TENM1: variants seen among roughly 807,000 people sequenced by gnomAD.
The protein encoded by TENM1 is teneurin transmembrane protein 1, also known as teneurin-1.
A neutral mutation model predicts 174.8 loss-of-function variants in TENM1; 35 were observed. The observed-to-expected ratio is 0.20, with a 90% confidence interval of 0.15 to 0.27. The LOEUF (loss-of-function observed/expected upper bound fraction) is 0.27. TENM1 is among the 10% of genes least tolerant of loss of function. TENM1 has a pLI of 1.00. For missense variants in TENM1, 1,633 were observed against 2,130.1 expected (o/e 0.77, Z 4.59); for synonymous variants, 781 against 798.7 (o/e 0.98, Z 0.37).
intron 4 of TENM1, among the ~76,000 whole-genome samples, chrX:124,730,476 T>C (rs1374171231): frequency 1.8e-5 from 2 of 110,826 alleles, no homozygotes; most frequent in Non-Finnish European, 3.8e-5. Context: ...AACCGAGACA[T>C]GGTGATGATA....
At chrX:124,749,318 C>T (rs747928038) in intron 3 of TENM1, among the ~76,000 whole-genome samples, 3 of 111,665 alleles carry the variant, frequency 2.7e-5, no homozygotes, top group Non-Finnish European at 5.7e-5. Flanking sequence ...TTCCTCTATA[C>T]TAAAATGATC....
intron 23 of TENM1, among the ~76,000 whole-genome samples, chrX:124,452,969 C>G (rs368630392): frequency 9.1e-6 from 1 of 109,881 alleles, no homozygotes; most frequent in African/African-American, 3.3e-5. Context: ...ATGTAACTAA[C>G]CTGCACATTG....
intron 3 of TENM1, among the ~76,000 whole-genome samples, chrX:124,884,471 G>A (rs1374242121): frequency 9.0e-6 from 1 of 110,661 alleles, no homozygotes; most frequent in African/African-American, 3.3e-5. Context: ...TTAGTCTCAG[G>A]GCCCACATGG....
intron 1 of TENM1, among the ~76,000 whole-genome samples, chrX:124,934,116 T>C (rs892740952): frequency 2.7e-5 from 3 of 112,299 alleles, no homozygotes; most frequent in Admixed American, 1.9e-4. Flanking sequence ...TGTTCTATAC[T>C]TGGTTAATTT....
At chrX:124,725,542 T>C (rs1272192926) in intron 4 of TENM1, among the ~76,000 whole-genome samples, 1 of 112,336 alleles carries the variant, frequency 8.9e-6, no homozygotes, top group East Asian at 2.8e-4. Flanking sequence ...ACAATTCTTT[T>C]TGAGCTTTCT....
the TENM1 span, among the ~76,000 whole-genome samples, chrX:125,139,823 A>AACACACAC: frequency 5.1e-5 from 4 of 78,530 alleles, no homozygotes; most frequent in African/African-American, 9.6e-5. Context: ...AGCTGCCCTC[A>AACACACAC]ACACACACAC....
chrX:125,138,648 A>G, the TENM1 span, among the ~76,000 whole-genome samples: 1,166 of 111,024 alleles, frequency 0.011, 14 homozygotes, highest in African/African-American at 0.035. Context: ...AGACAGAATA[A>G]TAGTTAACCT....
exon 17 of TENM1, chrX:124,523,505 G>A (rs1317432089): frequency 1.7e-6 from 2 of 1,211,353 alleles, no homozygotes; most frequent in East Asian, 5.9e-5. Flanking sequence ...TCTGCATGGT[G>A]ACTTTCTCTA....
At chrX:125,027,104 T>C in the TENM1 span, among the ~76,000 whole-genome samples, 2 of 111,856 alleles carry the variant, frequency 1.8e-5, no homozygotes, top group Non-Finnish European at 3.8e-5. Context: ...AGATATAAAA[T>C]GGAAAGCATT....
At chrX:124,422,704 A>G in intron 23 of TENM1, 66 bp from the exon 27 acceptor site, 1 of 1,055,164 alleles carries the variant, frequency 9.5e-7, no homozygotes, top group Non-Finnish European at 1.3e-6. Context: ...TTTAACTTGA[A>G]AAAAAGAAAA....
chrX:124,550,246 A>G (rs1043309245), intron 14 of TENM1, among the ~76,000 whole-genome samples: 3 of 111,600 alleles, frequency 2.7e-5, no homozygotes, highest in Non-Finnish European at 3.8e-5. Context: ...CCTTGGCTGA[A>G]AGGGGAAATG....
intron 3 of TENM1, among the ~76,000 whole-genome samples, chrX:124,819,942 T>C (rs1354912752): frequency 9.1e-6 from 1 of 109,353 alleles, no homozygotes; most frequent in East Asian, 2.9e-4. Context: ...ATCATAGGTG[T>C]GTACCATCAC....
intron 10 of TENM1, among the ~76,000 whole-genome samples, chrX:124,643,358 G>T (rs2148375650): frequency 9.0e-6 from 1 of 110,840 alleles, no homozygotes; most frequent in African/African-American, 3.3e-5. Flanking sequence ...ATACAGGAAG[G>T]AAATGGGCCA....
the TENM1 span, among the ~76,000 whole-genome samples, chrX:125,089,048 G>A: frequency 9.0e-6 from 1 of 111,079 alleles, no homozygotes; most frequent in Non-Finnish European, 1.9e-5. Flanking sequence ...GCCAAAAAGA[G>A]GGATCATAAA....
At chrX:125,007,922 A>G in the TENM1 span, among the ~76,000 whole-genome samples, 1 of 112,031 alleles carries the variant, frequency 8.9e-6, no homozygotes, top group African/African-American at 3.2e-5. Flanking sequence ...AGCCACTGCA[A>G]AAACACACCA....
intron 3 of TENM1, among the ~76,000 whole-genome samples, chrX:124,891,264 G>A (rs2048819909): frequency 9.0e-6 from 1 of 111,297 alleles, no homozygotes; most frequent in South Asian, 3.8e-4. Flanking sequence ...TGTAGTCAAT[G>A]TTAACATCAT....
At chrX:124,561,296 C>A (rs1569308640) in intron 14 of TENM1, among the ~76,000 whole-genome samples, 1 of 110,935 alleles carries the variant, frequency 9.0e-6, no homozygotes, top group Non-Finnish European at 1.9e-5. Context: ...AGTCACATAG[C>A]CCTAAATTGG....
chrX:124,643,684 C>A (rs1303005489), intron 10 of TENM1, among the ~76,000 whole-genome samples: 1 of 111,380 alleles, frequency 9.0e-6, no homozygotes, highest in East Asian at 2.8e-4. Flanking sequence ...ATCTTTTTTT[C>A]TATTGCATTG....
At chrX:124,660,871 C>T (rs2051582972) in intron 6 of TENM1, among the ~76,000 whole-genome samples, 1 of 111,790 alleles carries the variant, frequency 8.9e-6, no homozygotes, top group Admixed American at 9.5e-5. Context: ...CCCGTCATTC[C>T]ACAACTTGGT....
Sources: gnomAD v4.1 joint callset for allele counts (sites outside exome capture counted in the v4.1 genomes callset) on GRCh38, gnomAD v4.1.1 for gene constraint, MANE v1.5 for transcripts, NCBI Gene and HGNC (gene_info 2026-07-23, HGNC 2026-07-21) for gene names.